Variants in WDR7 observed in about 807,000 individuals in gnomAD.
The protein encoded by WDR7 is WD repeat domain 7.
In WDR7, 46 loss-of-function variants were observed where a neutral mutation model predicts 169.4. The ratio of observed to expected loss-of-function variants is 0.27; its 90% CI spans 0.21 to 0.35. The LOEUF (loss-of-function observed/expected upper bound fraction) is 0.35. WDR7 is among the 10% of genes least tolerant of loss of function. WDR7 has a pLI of 1.00. For missense variants in WDR7, 1,534 were observed against 1,859.3 expected, an observed-to-expected ratio of 0.83 and a Z score of 3.22; for synonymous variants, 612 against 666.8, an observed-to-expected ratio of 0.92 and a Z score of 1.27.
rs144342671 is a variant in WDR7, at chr18:56,799,181, G to C, written c.3191-16850G>C. Among the ~76,000 whole-genome samples the C allele has an allele frequency of 8.2e-3, 1,247 of 152,246 alleles. 4 individuals carry two copies. The highest frequency in any genetic ancestry group is 0.013 in the Non-Finnish European group (909 of 68,000). ...TCCAGCATAGCCAGTCACTTAAACA[G>C]CTGGAAAATAGAGTATTTGGAGGTG... On this transcript the variant is annotated intron_variant, in intron 19 of 27. Coordinates refer to ENST00000254442, the MANE Select transcript of WDR7 (RefSeq NM_015285.3).
intron 19 of WDR7, among the ~76,000 whole-genome samples, chr18:56,784,074 C>T (rs1331297120): frequency 5.9e-5 from 9 of 152,160 alleles, no homozygotes; most frequent in African/African-American, 2.2e-4. Context: ...TTAACCATTA[C>T]AATAACCTTG....
At chr18:56,951,727 A>T (rs1171329917) in intron 25 of WDR7, among the ~76,000 whole-genome samples, 1 of 152,190 alleles carries the variant, frequency 6.6e-6, no homozygotes, top group Non-Finnish European at 1.5e-5. Context: ...ATACACATGC[A>T]CATATACATA....
At chr18:56,820,367 A>T (rs1352104906) in intron 20 of WDR7, among the ~76,000 whole-genome samples, 1 of 134,976 alleles carries the variant, frequency 7.4e-6, no homozygotes, top group African/African-American at 2.7e-5. Flanking sequence ...AAAAAAAACC[A>T]CCTTGATACT....
chr18:56,849,776 A>G (rs1224854022), intron 20 of WDR7, among the ~76,000 whole-genome samples: 2 of 152,180 alleles, frequency 1.3e-5, no homozygotes, highest in Non-Finnish European at 2.9e-5. Context: ...AAAACAAAAC[A>G]AAAAACAAGA....
chr18:56,764,361 A>G (rs868677291), intron 16 of WDR7, among the ~76,000 whole-genome samples: 1 of 152,076 alleles, frequency 6.6e-6, no homozygotes, highest in Admixed American at 6.5e-5. Flanking sequence ...GTCAGATACT[A>G]TATTTTGTGT....
chr18:56,961,333 T>C (rs1300666809), intron 25 of WDR7, among the ~76,000 whole-genome samples: 1 of 152,066 alleles, frequency 6.6e-6, no homozygotes, highest in Non-Finnish European at 1.5e-5. Flanking sequence ...TCTGTCATGT[T>C]TTGCCTCTTC....
Position 56,938,546 on chromosome 18 carries a change from C to T in WDR7, c.3845C>T (p.Thr1282Met), listed in dbSNP as rs780898536. The change falls in exon 24 of 28, where the codon ACG becomes ATG. Residue 1282 changes from threonine to methionine, a missense_variant. Transcript: ENST00000254442. ...TTIAKEVHRH[T>M]ALAANTQSQQ... ...AATGTTTTGTAGGTACACAGACATA[C>T]GGCTCTTGCAGCAAATACCCAATCA... 70 of 1,613,688 alleles carry T rather than the reference C, an allele frequency of 4.3e-5. No individual in the cohort carries two copies. The highest frequency in any genetic ancestry group is 5.3e-5 in the Non-Finnish European group (62 of 1,179,828).
intron 26 of WDR7, among the ~76,000 whole-genome samples, chr18:57,003,072 G>T (rs1157868079): frequency 6.6e-6 from 1 of 152,012 alleles, no homozygotes; most frequent in Non-Finnish European, 1.5e-5. Flanking sequence ...GTTTCATCTT[G>T]CTATTGTTGA....
chr18:56,879,301 T>C (rs997412502), intron 20 of WDR7, among the ~76,000 whole-genome samples: 1 of 152,196 alleles, frequency 6.6e-6, no homozygotes, highest in Non-Finnish European at 1.5e-5. Flanking sequence ...TGGTCTTTTT[T>C]ATTGCAGCCA....
Position 56,727,388 on chromosome 18 carries a change from T to C in WDR7, c.1775-3995T>C, listed in dbSNP as rs144149199. Among the ~76,000 whole-genome samples the C allele has an allele frequency of 1.2e-4, 19 of 152,284 alleles. No homozygotes were observed. In the East Asian group the frequency reaches 3.7e-3, roughly 29 times the overall value. On this transcript the variant is annotated intron_variant, in intron 13 of 27. Coordinates refer to ENST00000254442, the MANE Select transcript of WDR7 (RefSeq NM_015285.3). ...GAACCTCTGTATTAGTCCATTCTCATGCTACTGTGAATAAATACCTGAGAG... is the reference window on the plus strand; with the variant it reads ...GAACCTCTGTATTAGTCCATTCTCACGCTACTGTGAATAAATACCTGAGAG...
chr18:56,741,896 A>G (rs916360054), intron 14 of WDR7, among the ~76,000 whole-genome samples: 15 of 152,194 alleles, frequency 9.9e-5, no homozygotes, highest in Non-Finnish European at 1.9e-4. Flanking sequence ...ATTGCATAAT[A>G]CCATCAAATA....
chr18:56,882,922 T>A (rs1283027753), intron 21 of WDR7, among the ~76,000 whole-genome samples: 1 of 152,170 alleles, frequency 6.6e-6, no homozygotes, highest in Non-Finnish European at 1.5e-5. Context: ...TACAAATATC[T>A]GTATATAAAT....
At chr18:56,974,313 CCCTTTTCCTTTCCTTTT>C (rs1343802110) in intron 26 of WDR7, among the ~76,000 whole-genome samples, 1 of 151,584 alleles carries the variant, frequency 6.6e-6, no homozygotes, top group Non-Finnish European at 1.5e-5. Flanking sequence ...CTTGTCCTTT[CCCTTTTCCTTTCCTTTT>C]CCTTTTCCTT....
intron 7 of WDR7, among the ~76,000 whole-genome samples, chr18:56,689,500 T>C (rs1300005463): frequency 2.0e-5 from 3 of 152,230 alleles, no homozygotes; most frequent in Non-Finnish European, 4.4e-5. Context: ...CATCAAGTGG[T>C]CAGCTTGCCT....
intron 25 of WDR7, among the ~76,000 whole-genome samples, chr18:56,950,502 G>A (rs1251208708): frequency 1.3e-5 from 2 of 152,148 alleles, no homozygotes; most frequent in African/African-American, 4.8e-5. Context: ...ACTTCTCAAA[G>A]GAAAGGCATC....
chr18:56,948,891 A>G (rs936999791), intron 25 of WDR7, among the ~76,000 whole-genome samples: 7 of 152,166 alleles, frequency 4.6e-5, no homozygotes, highest in African/African-American at 1.7e-4. Context: ...CTGAGTTCCA[A>G]GCCCAGGCCT....
chr18:56,927,754 TAATC>T (rs1370926891), intron 22 of WDR7, among the ~76,000 whole-genome samples: 2 of 152,268 alleles, frequency 1.3e-5, no homozygotes, highest in East Asian at 1.9e-4. Flanking sequence ...AACTATTAAT[TAATC>T]AAGCATATTG....
At chr18:56,857,976 CCTCCT>C (rs1316394309) in intron 20 of WDR7, among the ~76,000 whole-genome samples, 2 of 151,948 alleles carry the variant, frequency 1.3e-5, no homozygotes, top group African/African-American at 4.8e-5. Context: ...TGCTTGGTCC[CCTCCT>C]CTCTTCTTTT....
At chr18:56,955,210 A>C (rs79685299) in intron 25 of WDR7, among the ~76,000 whole-genome samples, 1 of 152,178 alleles carries the variant, frequency 6.6e-6, no homozygotes, top group African/African-American at 2.4e-5. Context: ...TGTTACTTCT[A>C]TATTCACAAG....
Sources: allele counts gnomAD v4.1 joint callset (sites outside exome capture counted in the v4.1 genomes callset), GRCh38; gene constraint gnomAD v4.1.1; transcripts MANE v1.5; gene names NCBI Gene and HGNC (gene_info 2026-07-23, HGNC 2026-07-21).